Variants in DCC observed in about 807,000 individuals in gnomAD.
The protein encoded by DCC is netrin receptor DCC.
DCC carries 58 observed loss-of-function variants against 172.5 expected under a neutral mutation model. The ratio of observed to expected loss-of-function variants is 0.34; its 90% CI spans 0.27 to 0.42. The LOEUF (loss-of-function observed/expected upper bound fraction) is 0.42. Ranked by LOEUF, DCC falls within the 10% of genes least tolerant of loss-of-function variation. The probability of loss-of-function intolerance (pLI) is 1.00; values close to 1 mark genes in which losing one functional copy is unlikely to be tolerated. For synonymous variants in DCC, 709 were observed against 644.5 expected (o/e 1.10, Z -1.52); for missense variants, 1,740 against 1,791.0 (o/e 0.97, Z 0.51).
At chr18:53,188,150 C>A (rs575593612) in intron 9 of DCC, among the ~76,000 whole-genome samples, 1 of 152,166 alleles carries the variant, frequency 6.6e-6, no homozygotes, top group Non-Finnish European at 1.5e-5. Flanking sequence ...TCCATCAACA[C>A]TTTAAGATAG....
intron 7 of DCC, among the ~76,000 whole-genome samples, chr18:53,120,848 A>G (rs758298800): frequency 6.6e-6 from 1 of 151,916 alleles, no homozygotes; most frequent in African/African-American, 2.4e-5. Context: ...ATGTTAAAAG[A>G]AAATCATATT....
At chr18:52,921,355 A>G (rs1307102579) in intron 3 of DCC, among the ~76,000 whole-genome samples, 1 of 149,772 alleles carries the variant, frequency 6.7e-6, no homozygotes, top group East Asian at 2.0e-4. Flanking sequence ...ATAAAATATT[A>G]AATAACCATT....
At chr18:53,480,102 C>T (rs1252126244) in intron 25 of DCC, among the ~76,000 whole-genome samples, 1 of 152,174 alleles carries the variant, frequency 6.6e-6, no homozygotes, top group Non-Finnish European at 1.5e-5. Flanking sequence ...TGGATGTTCA[C>T]AACTATTTCA....
intron 17 of DCC, 86 bp downstream of exon 17, chr18:53,391,973 A>G: frequency 3.7e-6 from 3 of 802,598 alleles, no homozygotes; most frequent in South Asian, 1.4e-5. Flanking sequence ...GACTGTCATG[A>G]GTCGTTTTGC....
intron 7 of DCC, among the ~76,000 whole-genome samples, chr18:53,079,636 C>A: frequency 6.6e-6 from 1 of 152,010 alleles, no homozygotes; most frequent in East Asian, 1.9e-4. Context: ...TATTTAAGTG[C>A]AAGATATAGG....
chr18:52,883,765 C>T (rs2039529713), intron 2 of DCC, among the ~76,000 whole-genome samples: 2 of 151,870 alleles, frequency 1.3e-5, no homozygotes, highest in South Asian at 4.1e-4. Context: ...GTTATAATAT[C>T]CTGTGTTTTT....
chr18:52,705,367 T>G (rs1357513380), intron 1 of DCC, among the ~76,000 whole-genome samples: 1 of 152,168 alleles, frequency 6.6e-6, no homozygotes, highest in Non-Finnish European at 1.5e-5. Flanking sequence ...ATGTGGGCAC[T>G]TTCAGAATAT....
At chr18:52,973,865 T>C (rs2041069275) in intron 5 of DCC, among the ~76,000 whole-genome samples, 1 of 152,194 alleles carries the variant, frequency 6.6e-6, no homozygotes, top group African/African-American at 2.4e-5. Flanking sequence ...ATAGGAGTGA[T>C]AAAACTGAAT....
At chr18:53,018,792 T>C (rs1046433058) in intron 5 of DCC, among the ~76,000 whole-genome samples, 15 of 152,206 alleles carry the variant, frequency 9.9e-5, no homozygotes, top group Non-Finnish European at 2.1e-4. Flanking sequence ...CCTTCAGTTT[T>C]AGAGATGCTC....
At chr18:52,746,436 G>T (rs1040483699) in intron 1 of DCC, among the ~76,000 whole-genome samples, 1 of 151,978 alleles carries the variant, frequency 6.6e-6, no homozygotes, top group African/African-American at 2.4e-5. Flanking sequence ...AGCTTCTATT[G>T]CCTTAACCAG....
intron 5 of DCC, among the ~76,000 whole-genome samples, chr18:52,972,957 C>A (rs2041053730): frequency 2.0e-5 from 3 of 152,190 alleles, no homozygotes; most frequent in Non-Finnish European, 4.4e-5. Context: ...GCATTCCAAA[C>A]AAAAGAAGTA....
intron 4 of DCC, among the ~76,000 whole-genome samples, chr18:52,924,930 G>T (rs566404365): frequency 6.6e-6 from 1 of 151,926 alleles, no homozygotes; most frequent in Non-Finnish European, 1.5e-5. Flanking sequence ...TAGACCTCGA[G>T]GTTCTCAAAT....
chr18:52,711,450 C>T (rs2036290930), intron 1 of DCC, among the ~76,000 whole-genome samples: 1 of 152,156 alleles, frequency 6.6e-6, no homozygotes, highest in African/African-American at 2.4e-5. Context: ...TGGCTTGACA[C>T]ACAGAAGGAC....
chr18:53,275,733 TA>T (rs1269188919), intron 12 of DCC, among the ~76,000 whole-genome samples: 1 of 152,122 alleles, frequency 6.6e-6, no homozygotes, highest in Non-Finnish European at 1.5e-5. Flanking sequence ...GCTATTCAGG[TA>T]GGTCTGGTTT....
Position 53,532,395 on chromosome 18 carries a change from C to T in DCC, c.*1742C>T, listed in dbSNP as rs1231760281. 6.6e-6 allele frequency: 1 copy of T among 152,074 alleles called. No homozygotes were observed. Among genetic ancestry groups the T allele is most frequent in the Non-Finnish European group, 1.5e-5 (1 of 68,024 alleles). The allele number at this position is 152,074 out of a possible 1,614,324, so 9.4% of individuals were successfully genotyped here. The stretch of plus-strand genomic sequence containing the variant: ...TGTTCAAATGGTTCATTAGAAAGTC[C>T]GGTCCATTTGCGAATTTGTTCCTTC... On this transcript the variant is annotated 3_prime_UTR_variant, in exon 29 of 29. Transcript: ENST00000442544.
At chr18:53,010,113 C>T (rs1568242417) in intron 5 of DCC, among the ~76,000 whole-genome samples, 1 of 151,932 alleles carries the variant, frequency 6.6e-6, no homozygotes, top group Non-Finnish European at 1.5e-5. Context: ...TTAATCTCTG[C>T]AAAAATCTAA....
chr18:53,415,532 T>C (rs1248870102), intron 20 of DCC, among the ~76,000 whole-genome samples: 1 of 152,204 alleles, frequency 6.6e-6, no homozygotes, highest in African/African-American at 2.4e-5. Flanking sequence ...AGCAATTTAA[T>C]TTTTATATTT....
intron 12 of DCC, among the ~76,000 whole-genome samples, chr18:53,272,999 A>G (rs2056765748): frequency 6.6e-6 from 1 of 152,180 alleles, no homozygotes; most frequent in Non-Finnish European, 1.5e-5. Flanking sequence ...GCTGGATATG[A>G]ACCTTGATTA....
At chr18:53,416,339 G>A in intron 21 of DCC, 183 bp downstream of exon 21, 2 of 701,498 alleles carry the variant, frequency 2.9e-6, no homozygotes, top group Non-Finnish European at 5.2e-6. Flanking sequence ...TGATAAGGAA[G>A]ATGTAAATTT....
Sources: gnomAD v4.1 joint callset for allele counts (sites outside exome capture counted in the v4.1 genomes callset) on GRCh38, gnomAD v4.1.1 for gene constraint, MANE v1.5 for transcripts, NCBI Gene and HGNC (gene_info 2026-07-23, HGNC 2026-07-21) for gene names.